The following FAM168A variants were observed in gnomAD, a reference collection of about 807,000 sequenced individuals.
FAM168A encodes protein FAM168A.
In FAM168A, 3 loss-of-function variants were observed where a neutral mutation model predicts 28.5. The observed-to-expected ratio is 0.11, with a 90% CI of 0.05 to 0.27. The LOEUF (loss-of-function observed/expected upper bound fraction) is 0.27. FAM168A is among the 10% of genes least tolerant of loss of function. The probability of loss-of-function intolerance (pLI) is 1.00; values close to 1 mark genes in which losing one functional copy is unlikely to be tolerated. For synonymous variants in FAM168A, 122 were observed against 124.2 expected, an observed-to-expected ratio of 0.98 and a Z score of 0.12; for missense variants, 222 against 311.5, an observed-to-expected ratio of 0.71 and a Z score of 2.16.
At chr11:73,428,118 G>A (rs927373307) in intron 3 of FAM168A, among the ~76,000 whole-genome samples, 5 of 152,222 alleles carry the variant, frequency 3.3e-5, no homozygotes, top group Middle Eastern at 6.8e-3. Flanking sequence ...TCCTGCGTGA[G>A]GCACCCTGTC....
At chr11:73,581,188 G>A (rs1415978626) in intron 1 of FAM168A, among the ~76,000 whole-genome samples, 2 of 152,132 alleles carry the variant, frequency 1.3e-5, no homozygotes, top group Non-Finnish European at 1.5e-5. Context: ...TTTTATAGTG[G>A]CTTTCTGATT....
intron 1 of FAM168A, among the ~76,000 whole-genome samples, chr11:73,591,394 T>C (rs1386452914): frequency 6.6e-6 from 1 of 152,198 alleles, no homozygotes; most frequent in Non-Finnish European, 1.5e-5. Flanking sequence ...ATTCTATCTA[T>C]AAGGAAAAGA....
intron 1 of FAM168A, among the ~76,000 whole-genome samples, chr11:73,527,318 C>A (rs1371028693): frequency 1.3e-5 from 2 of 152,092 alleles, no homozygotes; most frequent in Non-Finnish European, 2.9e-5. Context: ...CAAGAGCACC[C>A]CACTGAAAGA....
intron 1 of FAM168A, among the ~76,000 whole-genome samples, chr11:73,555,308 A>C (rs1943876873): frequency 6.6e-6 from 1 of 152,180 alleles, no homozygotes. Context: ...TTCCAGTAGA[A>C]GAGAGAGTTA....
chr11:73,537,712 C>T (rs1290347403), intron 1 of FAM168A, among the ~76,000 whole-genome samples: 3 of 152,138 alleles, frequency 2.0e-5, no homozygotes, highest in Non-Finnish European at 4.4e-5. Context: ...TTCATTTTTC[C>T]TCCTGAGGTC....
Position 73,420,006 on chromosome 11 carries a change from G to A in FAM168A, c.152-7C>T, listed in dbSNP as rs768072547. 1.2e-5 allele frequency: 20 copies of A among 1,612,800 alleles called. No homozygotes were observed. The African/African-American group carries it at 2.7e-4, about 22-fold the overall frequency. ...TGTTTCATCAGCAGAGTTGCTTAAG[G>A]GAAGACACAAGAATGGCATTAGACA... On this transcript the variant is annotated splice_polypyrimidine_tract_variant and splice_region_variant and intron_variant, in intron 3 of 7. Coordinates refer to ENST00000356467, the MANE Select transcript of FAM168A (RefSeq NM_015159.3).
chr11:73,444,507 T>C (rs952742821), intron 2 of FAM168A, among the ~76,000 whole-genome samples: 5 of 152,254 alleles, frequency 3.3e-5, no homozygotes, highest in African/African-American at 1.2e-4. Context: ...TGAATACAGG[T>C]AATTTTTTGT....
chr11:73,433,076 CTTTTTTTTTTTTT>C (rs34994742), intron 2 of FAM168A, among the ~76,000 whole-genome samples: 15 of 80,602 alleles, frequency 1.9e-4, no homozygotes, highest in African/African-American at 8.2e-4. Flanking sequence ...CACGCCCCGC[CTTTTTTTTTTTTT>C]TTTTTTTTTT....
intron 1 of FAM168A, among the ~76,000 whole-genome samples, chr11:73,547,599 A>G (rs1040327746): frequency 1.3e-5 from 2 of 152,094 alleles, no homozygotes; most frequent in Admixed American, 6.6e-5. Flanking sequence ...GAGTTCGAGG[A>G]TAAGAGTGTA....
intron 1 of FAM168A, among the ~76,000 whole-genome samples, chr11:73,516,632 T>A (rs1044564433): frequency 6.6e-6 from 1 of 152,208 alleles, no homozygotes; most frequent in Non-Finnish European, 1.5e-5. Context: ...CTGCAGAACT[T>A]CATGTTAAAC....
chr11:73,452,623 A>G (rs1354818831), intron 2 of FAM168A, among the ~76,000 whole-genome samples: 1 of 152,156 alleles, frequency 6.6e-6, no homozygotes, highest in African/African-American at 2.4e-5. Flanking sequence ...CTGGTCCTAT[A>G]CCATGTCTAG....
chr11:73,495,997 C>T (rs1854865380), intron 1 of FAM168A, among the ~76,000 whole-genome samples: 1 of 152,146 alleles, frequency 6.6e-6, no homozygotes, highest in Admixed American at 6.5e-5. Context: ...ATACTATGGA[C>T]AACAGCCAAA....
intron 1 of FAM168A, among the ~76,000 whole-genome samples, chr11:73,495,252 C>G (rs1173075320): frequency 6.6e-6 from 1 of 152,064 alleles, no homozygotes; most frequent in African/African-American, 2.4e-5. Flanking sequence ...TGGCGTGAAC[C>G]CAGGAGGCAG....
Position 73,411,400 on chromosome 11 carries a change from A to G in FAM168A, c.414T>C (p.Tyr138=). Residue 138 remains tyrosine (Y), a synonymous_variant, in exon 5 of 8, where the codon TAT becomes TAC. Transcript: ENST00000356467. ...GGCTTTGACATGTACCTACCTGGGC[A>G]TACAGATTCTGCTGGGGGTAGGCAC... ...IRSAYPQQNL[Y]AQGAYYTQPV... The G allele has an allele frequency of 1.2e-6, 2 of 1,600,598 alleles. No individual in the cohort carries two copies.
intron 1 of FAM168A, among the ~76,000 whole-genome samples, chr11:73,549,674 G>C (rs539758969): frequency 6.6e-6 from 1 of 152,148 alleles, no homozygotes; most frequent in Non-Finnish European, 1.5e-5. Flanking sequence ...GCAATGACAC[G>C]GGGTAACACA....
intron 2 of FAM168A, among the ~76,000 whole-genome samples, chr11:73,440,458 G>A (rs1270713679): frequency 1.3e-5 from 2 of 152,042 alleles, no homozygotes; most frequent in African/African-American, 2.4e-5. Context: ...AGACTTGCCT[G>A]GGCAATGTAG....
chr11:73,566,262 A>G (rs1192885371), intron 1 of FAM168A, among the ~76,000 whole-genome samples: 3 of 152,186 alleles, frequency 2.0e-5, no homozygotes, highest in African/African-American at 4.8e-5. Context: ...TTCCTTTTCT[A>G]TTTTCACATA....
chr11:73,590,864 G>T (rs1487623786), intron 1 of FAM168A, among the ~76,000 whole-genome samples: 1 of 152,016 alleles, frequency 6.6e-6, no homozygotes. Context: ...TACTGATTAG[G>T]CTGGGTGCAG....
chr11:73,564,050 A>G (rs1247988746), intron 1 of FAM168A, among the ~76,000 whole-genome samples: 2 of 152,326 alleles, frequency 1.3e-5, no homozygotes, highest in East Asian at 3.9e-4. Flanking sequence ...CAAAATGGCT[A>G]TAGCAGCTCC....
Sources: gnomAD v4.1 joint callset for allele counts (sites outside exome capture counted in the v4.1 genomes callset) on GRCh38, gnomAD v4.1.1 for gene constraint, MANE v1.5 for transcripts, NCBI Gene and HGNC (gene_info 2026-07-23, HGNC 2026-07-21) for gene names.